SPTLC3: variants seen among roughly 807,000 people sequenced by gnomAD.
SPTLC3 encodes the protein serine palmitoyltransferase 3.
SPTLC3 carries 36 observed loss-of-function variants against 59.3 expected under a neutral mutation model. That is an observed-to-expected ratio of 0.61 (90% CI 0.47 to 0.80). SPTLC3 has a LOEUF of 0.80. Among genes scored for constraint, SPTLC3 ranks in the 30% least tolerant of loss-of-function variants. The pLI is 0.00. For synonymous variants in SPTLC3, 257 were observed against 240.8 expected, an observed-to-expected ratio of 1.07 and a Z score of -0.62; for missense variants, 625 against 685.1, an observed-to-expected ratio of 0.91 and a Z score of 0.98.
At chr20:13,123,830 A>G (rs528080315) in intron 8 of SPTLC3, among the ~76,000 whole-genome samples, 2 of 152,254 alleles carry the variant, frequency 1.3e-5, no homozygotes, top group East Asian at 3.9e-4. Flanking sequence ...GTAAGCCTCC[A>G]TCATCCAATT....
intron 8 of SPTLC3, among the ~76,000 whole-genome samples, chr20:13,121,147 A>C (rs1320888141): frequency 6.6e-6 from 1 of 152,210 alleles, no homozygotes; most frequent in Non-Finnish European, 1.5e-5. Context: ...AAGGATCTTG[A>C]GTCCACCTGC....
intron 2 of SPTLC3, among the ~76,000 whole-genome samples, chr20:13,062,950 GCTTT>G (rs1243839185): frequency 1.1e-4 from 16 of 152,064 alleles, no homozygotes; most frequent in African/African-American, 2.9e-4. Context: ...CCTGGAAGTG[GCTTT>G]CTGAGTCCAA....
chr20:13,058,743 G>T (rs1226788964), intron 2 of SPTLC3, among the ~76,000 whole-genome samples: 3 of 152,150 alleles, frequency 2.0e-5, no homozygotes, highest in Non-Finnish European at 4.4e-5. Context: ...GGTTTTGGGT[G>T]GGGCCAAGAT....
At chr20:13,081,376 T>A (rs1285995129) in intron 4 of SPTLC3, among the ~76,000 whole-genome samples, 1 of 152,228 alleles carries the variant, frequency 6.6e-6, no homozygotes, top group African/African-American at 2.4e-5. Context: ...TTTATCTTCC[T>A]AACAAATTAT....
intron 2 of SPTLC3, among the ~76,000 whole-genome samples, chr20:13,056,350 A>T (rs1987723380): frequency 6.6e-6 from 1 of 151,934 alleles, no homozygotes; most frequent in Admixed American, 6.6e-5. Context: ...CCCGTTAGAG[A>T]CTTACAGCAT....
intron 9 of SPTLC3, among the ~76,000 whole-genome samples, chr20:13,142,641 G>A (rs1054074066): frequency 5.3e-5 from 8 of 152,282 alleles, no homozygotes; most frequent in African/African-American, 1.7e-4. Context: ...TCAGGAGTCT[G>A]GGCACAGTGT....
chr20:13,153,169 C>G (rs2038688824), intron 9 of SPTLC3, among the ~76,000 whole-genome samples: 1 of 152,202 alleles, frequency 6.6e-6, no homozygotes, highest in African/African-American at 2.4e-5. Flanking sequence ...CTTTGGCTGG[C>G]TTACTTACCC....
rs529685109 is a variant in SPTLC3 at position 13,080,984 on chromosome 20, C to T, written c.607+6487C>T. Among the ~76,000 whole-genome samples the T allele has an allele frequency of 2.6e-5, 4 of 152,032 alleles. No homozygotes were observed. In the South Asian group the frequency reaches 8.3e-4, roughly 32 times the overall value. On this transcript the variant is annotated intron_variant, in intron 4 of 11. Transcript: ENST00000399002. ...AAATTATAATGAAATTCTTTAGCAC[C>T]ATGGTCAAGAACAAAAGCTCTGGGA... is the stretch of plus-strand genomic sequence containing the variant.
rs775085286 is a variant in SPTLC3, at chr20:13,049,104, G to A, written c.277G>A (p.Ala93Thr). 2.4e-5 allele frequency: 39 copies of A among 1,613,526 alleles called. No homozygotes were observed. The highest frequency in any genetic ancestry group is 1.3e-4 in the Admixed American group (8 of 59,944). Reference protein sequence around the residue: ...LRNWGIEKCNAAVERKEQKDF... With the variant: ...LRNWGIEKCNTAVERKEQKDF... The stretch of plus-strand genomic sequence containing the variant: ...AAACTGGGGAATAGAAAAATGCAAC[G>A]CAGCTGTGGAAAGAAAAGAACAAAA... The change falls in exon 2 of 12, where the codon GCA becomes ACA. Residue 93 changes from alanine to threonine, a missense_variant. By Grantham distance (58) the Ala-to-Thr change is moderately conservative. Transcript: ENST00000399002.
At chr20:13,024,411 C>T (rs528231385) in intron 1 of SPTLC3, among the ~76,000 whole-genome samples, 1 of 152,270 alleles carries the variant, frequency 6.6e-6, no homozygotes, top group Admixed American at 6.5e-5. Flanking sequence ...ATCTATCTAT[C>T]TATCCATCCA....
At chr20:13,105,578 C>A (rs1271480348) in intron 6 of SPTLC3, among the ~76,000 whole-genome samples, 1 of 152,110 alleles carries the variant, frequency 6.6e-6, no homozygotes, top group Non-Finnish European at 1.5e-5. Context: ...GTTTATGTGA[C>A]CTTTTTGGTG....
intron 4 of SPTLC3, among the ~76,000 whole-genome samples, chr20:13,088,784 A>T (rs868275039): frequency 1.4e-4 from 16 of 111,856 alleles, no homozygotes; most frequent in Admixed American, 5.5e-4. Flanking sequence ...GCACCCGGCT[A>T]TTTTTTTTTT....
In SPTLC3 at chr20:13,165,625, T is replaced by C. The variant is rs1444643957; in HGVS notation, c.*758T>C. 1 of 152,222 alleles carries C rather than the reference T, an allele frequency of 6.6e-6. No individual in the cohort carries two copies. The highest frequency in any genetic ancestry group is 1.9e-4 in the East Asian group (1 of 5,194). 9.4% of individuals were successfully genotyped at this position (152,222 alleles called of 1,614,324 possible). On this transcript the variant is annotated 3_prime_UTR_variant, in exon 12 of 12. Transcript: ENST00000399002. ...GCACAAGACACTTTTAGGTCTAGAC[T>C]AAAATGGTAGTTACAACAATTTGAA... is the stretch of plus-strand genomic sequence containing the variant.
intron 1 of SPTLC3, among the ~76,000 whole-genome samples, chr20:13,027,902 C>T (rs1248358848): frequency 1.3e-5 from 2 of 152,082 alleles, no homozygotes; most frequent in African/African-American, 4.8e-5. Context: ...TTTGTCATCA[C>T]ATCTCTATGT....
At chr20:13,036,831 G>A (rs1986756320) in intron 1 of SPTLC3, among the ~76,000 whole-genome samples, 1 of 152,018 alleles carries the variant, frequency 6.6e-6, no homozygotes, top group Non-Finnish European at 1.5e-5. Context: ...CCCATATTTA[G>A]TTTACAATTT....
intron 1 of SPTLC3, among the ~76,000 whole-genome samples, chr20:13,016,057 T>C (rs560789643): frequency 4.0e-5 from 6 of 151,860 alleles, no homozygotes; most frequent in Non-Finnish European, 7.4e-5. Context: ...AATTTTCTGA[T>C]TATATAAATA....
At chr20:13,095,280 T>C (rs1989371623) in intron 6 of SPTLC3, among the ~76,000 whole-genome samples, 1 of 152,190 alleles carries the variant, frequency 6.6e-6, no homozygotes, top group African/African-American at 2.4e-5. Context: ...ATAATCTCAC[T>C]TCCAGAGAGA....
intron 4 of SPTLC3, 92 bp from the exon 5 acceptor site, chr20:13,090,991 C>A: frequency 6.5e-7 from 1 of 1,532,402 alleles, no homozygotes; most frequent in South Asian, 1.2e-5. Context: ...TTGTATAGGT[C>A]TTTTGGTGAT....
intron 1 of SPTLC3, among the ~76,000 whole-genome samples, chr20:13,011,203 A>G (rs1198459624): frequency 6.6e-6 from 1 of 152,214 alleles, no homozygotes; most frequent in Non-Finnish European, 1.5e-5. Context: ...TGTCCCCTCC[A>G]TGATGGGAAC....
Sources: gnomAD v4.1 joint callset for allele counts (sites outside exome capture counted in the v4.1 genomes callset) on GRCh38, gnomAD v4.1.1 for gene constraint, MANE v1.5 for transcripts, NCBI Gene and HGNC (gene_info 2026-07-23, HGNC 2026-07-21) for gene names.